MIR2052HG: variants seen among roughly 807,000 people sequenced by gnomAD.
MIR2052HG encodes the protein MIR2052 host gene.
chr8:74,615,501 A>T (rs1808266861), intron 2 of MIR2052HG, among the ~76,000 whole-genome samples: 1 of 151,650 alleles, frequency 6.6e-6, no homozygotes, highest in Admixed American at 6.6e-5. Flanking sequence ...TACTGTATCC[A>T]CTCTTCAAAC....
At chr8:74,744,350 G>A (rs1269086605) in intron 4 of MIR2052HG, among the ~76,000 whole-genome samples, 2 of 150,816 alleles carry the variant, frequency 1.3e-5, no homozygotes, top group East Asian at 3.9e-4. Context: ...TATACTTTAA[G>A]TTTTAGGGTA....
At chr8:74,708,908 T>C (rs6472873) in intron 4 of MIR2052HG, among the ~76,000 whole-genome samples, 20,064 of 152,076 alleles carry the variant, frequency 0.13, 3,326 homozygotes, top group African/African-American at 0.39. Context: ...AACTGTAAGA[T>C]AGAAAATGAG....
chr8:74,661,880 T>A (rs975466900), intron 2 of MIR2052HG, among the ~76,000 whole-genome samples: 1 of 152,114 alleles, frequency 6.6e-6, no homozygotes, highest in African/African-American at 2.4e-5. Context: ...GAGATACAAA[T>A]CACTATGTCT....
chr8:74,639,039 G>A (rs774374101), intron 2 of MIR2052HG, among the ~76,000 whole-genome samples: 17 of 152,136 alleles, frequency 1.1e-4, no homozygotes, highest in South Asian at 4.1e-4. Flanking sequence ...GAGAGACTGA[G>A]TCCTTAGAAA....
intron 4 of MIR2052HG, among the ~76,000 whole-genome samples, chr8:74,721,066 G>A (rs1292920082): frequency 6.6e-6 from 1 of 152,084 alleles, no homozygotes; most frequent in Non-Finnish European, 1.5e-5. Context: ...AATATAAGGT[G>A]GCTTAATTAA....
intron 1 of MIR2052HG, chr8:74,603,163 T>G (rs1808049506): frequency 2.7e-6 from 2 of 743,538 alleles, no homozygotes; most frequent in African/African-American, 3.5e-5. Context: ...GATGATAAAG[T>G]GTGTAGAAAC....
At chr8:74,666,908 G>T (rs1396443201) in intron 2 of MIR2052HG, among the ~76,000 whole-genome samples, 4 of 152,160 alleles carry the variant, frequency 2.6e-5, no homozygotes, top group African/African-American at 9.7e-5. Flanking sequence ...GCTGTAATCA[G>T]TTGGAGTTTG....
rs370367504 is a variant in MIR2052HG, at chr8:74,696,105, C to G, written n.217-6274C>G. Among the ~76,000 whole-genome samples, 71 of 152,054 alleles carry G rather than the reference C, an allele frequency of 4.7e-4. No homozygotes were observed. The South Asian group carries it at 8.1e-3, about 17-fold the overall frequency. ...CAGGTCTCAACAAATTAAAGAAAATCAAAATTATATCAAATACTTTCTCAG... is the reference window on the plus strand; with the variant it reads ...CAGGTCTCAACAAATTAAAGAAAATGAAAATTATATCAAATACTTTCTCAG... On this transcript the variant is annotated intron_variant and non_coding_transcript_variant, in intron 2 of 6. Coordinates refer to ENST00000523442, the Ensembl canonical transcript of MIR2052HG.
intron 2 of MIR2052HG, among the ~76,000 whole-genome samples, chr8:74,673,617 G>A (rs1216381001): frequency 6.6e-6 from 1 of 151,832 alleles, no homozygotes; most frequent in Non-Finnish European, 1.5e-5. Flanking sequence ...TATATATGTG[G>A]CCAGGACCAC....
chr8:74,740,196 G>T (rs1436040121), intron 4 of MIR2052HG, among the ~76,000 whole-genome samples: 4 of 152,102 alleles, frequency 2.6e-5, no homozygotes, highest in Non-Finnish European at 5.9e-5. Context: ...AGGCGCAGTG[G>T]GTCACACCTG....
intron 4 of MIR2052HG, among the ~76,000 whole-genome samples, chr8:74,729,211 T>G (rs966175037): frequency 1.3e-5 from 2 of 152,148 alleles, no homozygotes; most frequent in African/African-American, 2.4e-5. Flanking sequence ...CTCCTCTGAT[T>G]TGATTGCTAG....
At chr8:74,689,025 T>C (rs1206074445) in intron 2 of MIR2052HG, among the ~76,000 whole-genome samples, 1 of 152,220 alleles carries the variant, frequency 6.6e-6, no homozygotes, top group Non-Finnish European at 1.5e-5. Flanking sequence ...AATTGATTGT[T>C]ATCTCTATTT....
chr8:74,632,041 C>G (rs184539431), intron 2 of MIR2052HG, among the ~76,000 whole-genome samples: 6 of 152,212 alleles, frequency 3.9e-5, no homozygotes, highest in Admixed American at 6.5e-5. Flanking sequence ...TAGCAGCCTC[C>G]TTATTTTACT....
At chr8:74,705,800 G>A (rs972877805) in intron 4 of MIR2052HG, 25 of 169,764 alleles carry the variant, frequency 1.5e-4, no homozygotes, top group African/African-American at 5.6e-4. Context: ...GCAGATTCTA[G>A]TGTAACTGAC....
At chr8:74,665,879 A>G (rs1220974271) in intron 2 of MIR2052HG, among the ~76,000 whole-genome samples, 1 of 152,144 alleles carries the variant, frequency 6.6e-6, no homozygotes, top group African/African-American at 2.4e-5. Context: ...TGGTTTTAAA[A>G]TGGGAGTTCC....
At chr8:74,650,519 T>G (rs1001280374) in intron 2 of MIR2052HG, among the ~76,000 whole-genome samples, 16 of 152,274 alleles carry the variant, frequency 1.1e-4, no homozygotes, top group Non-Finnish European at 1.6e-4. Flanking sequence ...CATATGAATG[T>G]TTTTGTGGAC....
At chr8:74,632,828 G>A (rs1461332716) in intron 2 of MIR2052HG, among the ~76,000 whole-genome samples, 2 of 151,966 alleles carry the variant, frequency 1.3e-5, no homozygotes, top group Non-Finnish European at 2.9e-5. Context: ...TAATCAGCTC[G>A]TGTTGATCGG....
At chr8:74,628,939 T>C (rs989733666) in intron 2 of MIR2052HG, 1 of 152,062 alleles carries the variant, frequency 6.6e-6, no homozygotes, top group Non-Finnish European at 1.5e-5. Context: ...AGGAGCTCCA[T>C]GGTTTTCCAG....
intron 2 of MIR2052HG, among the ~76,000 whole-genome samples, chr8:74,690,800 G>A (rs1168065419): frequency 2.0e-5 from 3 of 151,966 alleles, no homozygotes; most frequent in South Asian, 4.2e-4. Flanking sequence ...CTTCAACATC[G>A]AAGGCAATAA....
Sources: gnomAD v4.1 joint callset for allele counts (sites outside exome capture counted in the v4.1 genomes callset) on GRCh38, gnomAD v4.1.1 for gene constraint, MANE v1.5 for transcripts, NCBI Gene and HGNC (gene_info 2026-07-23, HGNC 2026-07-21) for gene names.